Variants in GPD2 observed in about 807,000 individuals in gnomAD.
The protein encoded by GPD2 is glycerol-3-phosphate dehydrogenase 2.
A neutral mutation model predicts 82.4 loss-of-function variants in GPD2; 54 were observed. That is an observed-to-expected ratio of 0.66 (90% CI 0.53 to 0.82). The LOEUF is 0.82. Among genes scored for constraint, GPD2 ranks in the 40% least tolerant of loss-of-function variants. GPD2 has a pLI of 0.00. For missense variants in GPD2, 748 were observed against 896.2 expected (o/e 0.83, Z 2.11); for synonymous variants, 288 against 306.1 (o/e 0.94, Z 0.62).
At chr2:156,541,409 C>T (rs1335671900) in intron 6 of GPD2, among the ~76,000 whole-genome samples, 1 of 152,198 alleles carries the variant, frequency 6.6e-6, no homozygotes, top group Non-Finnish European at 1.5e-5. Context: ...TCTTGTATCT[C>T]TGTTCCAGGA....
At chr2:156,497,557 T>G (rs1279652764) in intron 3 of GPD2, among the ~76,000 whole-genome samples, 1 of 152,180 alleles carries the variant, frequency 6.6e-6, no homozygotes, top group African/African-American at 2.4e-5. Context: ...TCAGATCAAT[T>G]AAATTACTAC....
the GPD2 span, among the ~76,000 whole-genome samples, chr2:156,426,783 T>C: frequency 6.6e-6 from 1 of 151,898 alleles, no homozygotes; most frequent in African/African-American, 2.4e-5. Flanking sequence ...ATGGTTTTTT[T>C]CTTTGAACTG....
intron 6 of GPD2, among the ~76,000 whole-genome samples, chr2:156,514,596 G>T (rs1035418263): frequency 5.3e-5 from 8 of 151,928 alleles, no homozygotes; most frequent in African/African-American, 1.9e-4. Context: ...AACCAATTCA[G>T]CTGTCAGGCT....
At chr2:156,537,273 C>A (rs1686118233) in intron 6 of GPD2, among the ~76,000 whole-genome samples, 1 of 152,202 alleles carries the variant, frequency 6.6e-6, no homozygotes, top group Non-Finnish European at 1.5e-5. Context: ...GCTGACCCTG[C>A]AGGTTGAATG....
At chr2:156,541,317 G>T (rs560194521) in intron 6 of GPD2, among the ~76,000 whole-genome samples, 1 of 152,312 alleles carries the variant, frequency 6.6e-6, no homozygotes, top group South Asian at 2.1e-4. Context: ...TAAGAAAACT[G>T]CAGAGGAAGA....
chr2:156,536,359 T>G (rs908547678), intron 6 of GPD2, among the ~76,000 whole-genome samples: 5 of 152,234 alleles, frequency 3.3e-5, no homozygotes, highest in Non-Finnish European at 5.9e-5. Flanking sequence ...AGTCTGAGTC[T>G]TTGATTCTTA....
intron 16 of GPD2, among the ~76,000 whole-genome samples, chr2:156,582,484 T>TAAAA (rs5835627): frequency 1.5e-5 from 2 of 136,568 alleles, no homozygotes; most frequent in Non-Finnish European, 3.2e-5. Context: ...TTGAAGTTGC[T>TAAAA]AAAAAAAAAA....
chr2:156,476,168 T>G lies in GPD2; in HGVS notation c.63T>G (p.Val21=), dbSNP rs1160910500. The change falls in exon 2 of 17, where the codon GTT becomes GTG. Residue 21 remains valine, a synonymous_variant. Transcript: ENST00000438166. The part of the protein sequence containing the change: ...ILVGGGALAT[V]LGLSQFAHYR... ...TTGGAGGAGGTGCTCTTGCAACTGT[T>G]TTAGGACTTTCTCAGTTTGCTCATT... is the stretch of plus-strand genomic sequence containing the variant. 1 of 1,609,464 alleles carries G rather than the reference T, an allele frequency of 6.2e-7. No homozygotes were observed. The highest frequency in any genetic ancestry group is 1.1e-5 in the South Asian group (1 of 90,972).
the GPD2 span, among the ~76,000 whole-genome samples, chr2:156,411,415 A>G: frequency 8.6e-5 from 13 of 152,020 alleles, no homozygotes; most frequent in Non-Finnish European, 1.5e-5. Flanking sequence ...TCCTGAATTC[A>G]AGCAATTCTC....
At chr2:156,526,863 C>G (rs1164981008) in intron 6 of GPD2, among the ~76,000 whole-genome samples, 1 of 152,056 alleles carries the variant, frequency 6.6e-6, no homozygotes, top group African/African-American at 2.4e-5. Flanking sequence ...AATGATTGGT[C>G]TTCAGGAAGC....
At chr2:156,535,950 T>C (rs1329187894) in intron 6 of GPD2, among the ~76,000 whole-genome samples, 1 of 152,198 alleles carries the variant, frequency 6.6e-6, no homozygotes, top group African/African-American at 2.4e-5. Context: ...TGCAACCTGG[T>C]CTCAGTTTAG....
chr2:156,478,869 C>T (rs1683618450), intron 2 of GPD2, among the ~76,000 whole-genome samples: 1 of 152,100 alleles, frequency 6.6e-6, no homozygotes. Context: ...TGATAAACTG[C>T]CGTTTATTAA....
chr2:156,509,492 C>T (rs1410247931), intron 3 of GPD2, among the ~76,000 whole-genome samples: 1 of 152,114 alleles, frequency 6.6e-6, no homozygotes, highest in African/African-American at 2.4e-5. Context: ...CTTTCATCCT[C>T]CAAGAGTGTT....
intron 2 of GPD2, among the ~76,000 whole-genome samples, chr2:156,486,067 A>AT (rs1282504045): frequency 2.0e-5 from 3 of 152,184 alleles, no homozygotes; most frequent in African/African-American, 7.2e-5. Flanking sequence ...AATAATCTGT[A>AT]TTTTAGATAA....
intron 6 of GPD2, among the ~76,000 whole-genome samples, chr2:156,537,285 T>C (rs1686118836): frequency 6.6e-6 from 1 of 152,234 alleles, no homozygotes; most frequent in African/African-American, 2.4e-5. Flanking sequence ...GGTTGAATGC[T>C]GTCAGTGATT....
chr2:156,576,145 A>C (rs1356081492), intron 13 of GPD2, among the ~76,000 whole-genome samples: 2 of 152,224 alleles, frequency 1.3e-5, no homozygotes, highest in Non-Finnish European at 2.9e-5. Flanking sequence ...GTTTTAGTTA[A>C]CTGTGAATGC....
At chr2:156,530,500 T>C (rs1685808338) in intron 6 of GPD2, among the ~76,000 whole-genome samples, 1 of 150,620 alleles carries the variant, frequency 6.6e-6, no homozygotes, top group Non-Finnish European at 1.5e-5. Flanking sequence ...GGCATCCCTG[T>C]CTTGTGCCAG....
At chr2:156,574,148 G>A (rs1013695684) in intron 13 of GPD2, among the ~76,000 whole-genome samples, 3 of 152,034 alleles carry the variant, frequency 2.0e-5, no homozygotes, top group Non-Finnish European at 2.9e-5. Flanking sequence ...TGGAAGAACT[G>A]ATTAGGGAAG....
chr2:156,479,102 A>G (rs1442258040), intron 2 of GPD2, among the ~76,000 whole-genome samples: 1 of 152,228 alleles, frequency 6.6e-6, no homozygotes, highest in Non-Finnish European at 1.5e-5. Flanking sequence ...TTGTTAAAAC[A>G]TTTTTGGTGA....
Sources: allele counts gnomAD v4.1 joint callset (sites outside exome capture counted in the v4.1 genomes callset), GRCh38; gene constraint gnomAD v4.1.1; transcripts MANE v1.5; gene names NCBI Gene and HGNC (gene_info 2026-07-23, HGNC 2026-07-21).